CELF2: variants seen among roughly 807,000 people sequenced by gnomAD.
CELF2 encodes CUGBP Elav-like family member 2.
CELF2 carries 8 observed loss-of-function variants against 62.6 expected under a neutral mutation model. The ratio of observed to expected loss-of-function variants is 0.13; its 90% CI spans 0.07 to 0.23. The LOEUF (loss-of-function observed/expected upper bound fraction) is 0.23. CELF2 is among the 10% of genes least tolerant of loss of function. CELF2 has a pLI of 1.00. For missense variants in CELF2, 333 were observed against 671.0 expected, an observed-to-expected ratio of 0.50 and a Z score of 5.56; for synonymous variants, 258 against 250.0, an observed-to-expected ratio of 1.03 and a Z score of -0.30.
rs1301498866 is a variant in CELF2 at position 10,866,797 on chromosome 10, A to G, written c.54-53167A>G. 2.0e-5 allele frequency among the ~76,000 whole-genome samples: 3 copies of G among 149,252 alleles called. No homozygotes were observed. The East Asian group carries it at 6.1e-4, about 31-fold the overall frequency. ...TAGATGGGCATGGTGGCAGGTACCT[A>G]TAATCCCAGCTACCCGGGAGGCTGA... On this transcript the variant is annotated intron_variant, in intron 1 of 13. Coordinates refer to the CELF2 transcript ENST00000636488.
the CELF2 span, among the ~76,000 whole-genome samples, chr10:10,594,937 G>A: frequency 6.6e-6 from 1 of 152,184 alleles, no homozygotes; most frequent in Admixed American, 6.5e-5. Context: ...CTCCTTAGAA[G>A]AGGTCAGAAA....
At chr10:11,118,356 G>A (rs1039274099) in intron 1 of CELF2, among the ~76,000 whole-genome samples, 6 of 151,884 alleles carry the variant, frequency 4.0e-5, no homozygotes, top group African/African-American at 1.5e-4. Flanking sequence ...TCATCTATGG[G>A]GAGTCTTTTT....
At chr10:10,657,643 T>G in the CELF2 span, among the ~76,000 whole-genome samples, 1 of 152,150 alleles carries the variant, frequency 6.6e-6, no homozygotes, top group Non-Finnish European at 1.5e-5. Flanking sequence ...AGTTTAAGTA[T>G]ATACCAAACA....
intron 2 of CELF2, among the ~76,000 whole-genome samples, chr10:10,948,563 A>T (rs2047954599): frequency 1.3e-5 from 2 of 152,128 alleles, no homozygotes; most frequent in African/African-American, 4.8e-5. Context: ...CCTTTGGCTA[A>T]ATTGGTTGTT....
At chr10:11,170,729 A>G (rs2068600946) in intron 2 of CELF2, among the ~76,000 whole-genome samples, 2 of 152,164 alleles carry the variant, frequency 1.3e-5, no homozygotes, top group Admixed American at 1.3e-4. Flanking sequence ...AGAAGTTGGC[A>G]GATATGGAAA....
chr10:11,245,642 C>A (rs1213525518), intron 3 of CELF2, among the ~76,000 whole-genome samples: 1 of 152,180 alleles, frequency 6.6e-6, no homozygotes, highest in East Asian at 1.9e-4. Flanking sequence ...AAGAGTCTTA[C>A]GGCAGCACAA....
chr10:11,093,252 AGTTTGGT>A (rs11279178), intron 1 of CELF2, among the ~76,000 whole-genome samples: 60,858 of 151,454 alleles, frequency 0.4, 13,133 homozygotes, highest in African/African-American at 0.56. Flanking sequence ...ATTGGGCCAC[AGTTTGGT>A]GTTTGGGAAT....
the CELF2 span, among the ~76,000 whole-genome samples, chr10:10,582,506 A>G: frequency 6.6e-6 from 1 of 152,182 alleles, no homozygotes; most frequent in African/African-American, 2.4e-5. Flanking sequence ...AATTGAACAA[A>G]TGGTTCATTA....
At chr10:10,829,541 C>T (rs765236113) in intron 1 of CELF2, among the ~76,000 whole-genome samples, 2 of 152,106 alleles carry the variant, frequency 1.3e-5, no homozygotes, top group Non-Finnish European at 2.9e-5. Flanking sequence ...TCAATTTGTG[C>T]CATAATTTTA....
chr10:11,260,336 C>T lies in CELF2; in HGVS notation c.538+2464C>T, dbSNP rs1333539840. Among the ~76,000 whole-genome samples, 1 of 152,226 alleles carries T rather than the reference C, an allele frequency of 6.6e-6. No homozygotes were observed. The highest frequency in any genetic ancestry group is 1.5e-5 in the Non-Finnish European group (1 of 68,048). Reference sequence around the variant, plus strand: ...TGATCTAGGCAGTGACTCTCTGGCACATTTTCTCTGTCTGTCCAGTGGGGA... The same window carrying T: ...TGATCTAGGCAGTGACTCTCTGGCATATTTTCTCTGTCTGTCCAGTGGGGA... On this transcript the variant is annotated intron_variant, in intron 5 of 12. Transcript: ENST00000633077. The surrounding 1 kb of genome is among the most constrained non-coding windows in gnomAD (Gnocchi z 4.2).
At chr10:11,086,586 A>T (rs1043840553) in intron 1 of CELF2, among the ~76,000 whole-genome samples, 1,763 of 73,168 alleles carry the variant, frequency 0.024, 25 homozygotes, top group Middle Eastern at 0.068. Context: ...GTTAAAAAAA[A>T]AAAAAAAAAA....
the CELF2 span, among the ~76,000 whole-genome samples, chr10:10,650,154 T>C: frequency 6.6e-6 from 1 of 152,210 alleles, no homozygotes; most frequent in East Asian, 1.9e-4. Flanking sequence ...CCCTTCGTAG[T>C]ATTTCATTAC....
At chr10:11,076,235 G>A (rs371131033) in intron 1 of CELF2, among the ~76,000 whole-genome samples, 4 of 151,610 alleles carry the variant, frequency 2.6e-5, no homozygotes, top group Admixed American at 1.3e-4. Flanking sequence ...ACTCCTCCTC[G>A]AGAAAGATTA....
chr10:10,746,843 A>T, the CELF2 span, among the ~76,000 whole-genome samples: 2 of 152,372 alleles, frequency 1.3e-5, no homozygotes, highest in South Asian at 4.1e-4. Context: ...TTTTGTACCA[A>T]CCTAATACCA....
At chr10:10,633,070 T>A in the CELF2 span, among the ~76,000 whole-genome samples, 3 of 152,206 alleles carry the variant, frequency 2.0e-5, no homozygotes, top group Non-Finnish European at 4.4e-5. Flanking sequence ...GGCATTGAAG[T>A]TATTTTTCAA....
chr10:10,941,490 C>A (rs919788042), intron 2 of CELF2, among the ~76,000 whole-genome samples: 2 of 151,990 alleles, frequency 1.3e-5, no homozygotes, highest in Non-Finnish European at 2.9e-5. Flanking sequence ...GTAAATTTAC[C>A]CCAGGAAAAC....
In CELF2 at chr10:11,318,316, G is replaced by A. The variant is rs545900665; in HGVS notation, c.1097-2873G>A. The stretch of plus-strand genomic sequence containing the variant: ...TTGTTAGAACTTTTTTGTTCACATG[G>A]ATGTTTATACCATGGAGGTGGCGAG... On this transcript the variant is annotated intron_variant, in intron 10 of 12. Coordinates refer to ENST00000633077, the MANE Select transcript of CELF2 (RefSeq NM_001326342.2). The surrounding 1 kb of genome is among the most constrained non-coding windows in gnomAD (Gnocchi z 5.4). The A allele has an allele frequency of 3.0e-5, 5 of 164,982 alleles. No individual in the cohort carries two copies. Among genetic ancestry groups the A allele is most frequent in the African/African-American group, 1.2e-4 (5 of 41,660 alleles). 10.2% of individuals were successfully genotyped at this position (164,982 alleles called of 1,614,324 possible). A position where few individuals can be genotyped will look rare whatever the true frequency, so the allele number is the denominator to read the frequency against.
At chr10:10,493,785 G>GCCTCC in the CELF2 span, among the ~76,000 whole-genome samples, 74 of 152,238 alleles carry the variant, frequency 4.9e-4, no homozygotes, top group African/African-American at 1.7e-3. Context: ...ACCCGCCTCG[G>GCCTCC]CCTCCCAAAG....
At position 10,846,131 on chromosome 10, in the gene CELF2, G is replaced by C. The variant is rs118184393; in HGVS notation, c.53+47314G>C. 5 of 984,678 alleles carry C rather than the reference G, an allele frequency of 5.1e-6. No individual in the cohort carries two copies. The African/African-American group carries it at 8.7e-5, about 17-fold the overall frequency. 61.0% of individuals were successfully genotyped at this position (984,678 alleles called of 1,614,324 possible). On this transcript the variant is annotated intron_variant, in intron 1 of 13. Transcript: ENST00000636488. ...AGCAGGAGTAAGCAATTCCTTTGACGATATTTGGGAACCTCGCTATTCACA... is the reference window on the plus strand; with the variant it reads ...AGCAGGAGTAAGCAATTCCTTTGACCATATTTGGGAACCTCGCTATTCACA...
Sources: allele counts gnomAD v4.1 joint callset (sites outside exome capture counted in the v4.1 genomes callset), GRCh38; gene constraint gnomAD v4.1.1; non-coding constraint Gnocchi (gnomAD v3.1); transcripts MANE v1.5; gene names NCBI Gene and HGNC (gene_info 2026-07-23, HGNC 2026-07-21).